The following SAMD3 variants were observed in gnomAD, a reference collection of about 807,000 sequenced individuals.
SAMD3 encodes sterile alpha motif domain-containing protein 3.
A neutral mutation model predicts 58.5 loss-of-function variants in SAMD3; 63 were observed. The observed-to-expected ratio is 1.08, with a 90% CI of 0.88 to 1.33. The LOEUF (loss-of-function observed/expected upper bound fraction) is 1.33. Among genes scored for constraint, SAMD3 ranks in the 40% most tolerant of loss-of-function variants. SAMD3 has a pLI of 0.00. For synonymous variants in SAMD3, 220 were observed against 210.3 expected, an observed-to-expected ratio of 1.05 and a Z score of -0.40; for missense variants, 604 against 608.4, an observed-to-expected ratio of 0.99 and a Z score of 0.08.
intron 2 of SAMD3, among the ~76,000 whole-genome samples, chr6:130,271,812 G>A (rs186580394): frequency 1.5e-4 from 23 of 152,274 alleles, no homozygotes; most frequent in Non-Finnish European, 2.4e-4. Flanking sequence ...AAGAGCTAAC[G>A]AACATCTTAC....
At chr6:130,151,096 C>T (rs896193542) in intron 9 of SAMD3, among the ~76,000 whole-genome samples, 2 of 152,012 alleles carry the variant, frequency 1.3e-5, no homozygotes, top group Non-Finnish European at 2.9e-5. Context: ...TCGGCCCAGC[C>T]CACTTTCCTC....
At chr6:130,237,701 G>A (rs906891903) in intron 2 of SAMD3, among the ~76,000 whole-genome samples, 22 of 152,234 alleles carry the variant, frequency 1.4e-4, no homozygotes, top group African/African-American at 4.1e-4. Flanking sequence ...TCAGGGAGGT[G>A]AATACATTAC....
chr6:130,275,325 T>C (rs1774737518), intron 2 of SAMD3, among the ~76,000 whole-genome samples: 1 of 152,158 alleles, frequency 6.6e-6, no homozygotes, highest in Non-Finnish European at 1.5e-5. Context: ...TTTATTGACA[T>C]AATGATAAGC....
chr6:130,360,780 T>C (rs536901689), intron 1 of SAMD3, among the ~76,000 whole-genome samples: 9 of 152,252 alleles, frequency 5.9e-5, no homozygotes, highest in Admixed American at 2.0e-4. Context: ...TCCCTACAGT[T>C]TCGACCATAG....
chr6:130,208,173 G>C (rs963403203), intron 5 of SAMD3, among the ~76,000 whole-genome samples: 1 of 152,242 alleles, frequency 6.6e-6, no homozygotes, highest in Non-Finnish European at 1.5e-5. Flanking sequence ...GTGTAAAGGG[G>C]TTGTGAAAAC....
chr6:130,145,249 C>G, intron 11 of SAMD3, 91 bp downstream of exon 11: 1 of 598,084 alleles, frequency 1.7e-6, no homozygotes, highest in Middle Eastern at 5.0e-4. Context: ...AAGAGTGAGA[C>G]TCCATCTCAA....
chr6:130,208,478 G>C (rs1182241730), intron 5 of SAMD3, among the ~76,000 whole-genome samples: 1 of 152,122 alleles, frequency 6.6e-6, no homozygotes, highest in African/African-American at 2.4e-5. Flanking sequence ...TGTATTTATA[G>C]CCACACCCCA....
chr6:130,193,794 T>A (rs112296190), intron 5 of SAMD3, among the ~76,000 whole-genome samples: 32,225 of 152,040 alleles, frequency 0.21, 4,210 homozygotes, highest in East Asian at 0.44. Flanking sequence ...TCTAAATAAT[T>A]CTTGTTGTAA....
intron 1 of SAMD3, among the ~76,000 whole-genome samples, chr6:130,324,784 T>TC (rs1776700306): frequency 1.3e-5 from 2 of 151,758 alleles, no homozygotes; most frequent in African/African-American, 4.9e-5. Flanking sequence ...TTTTTTTTTT[T>TC]TGGAATAGAA....
chr6:130,201,968 A>T (rs1324214298), intron 5 of SAMD3, among the ~76,000 whole-genome samples: 2 of 152,166 alleles, frequency 1.3e-5, no homozygotes, highest in Non-Finnish European at 2.9e-5. Context: ...TGTCTTGTCT[A>T]CCAGACTCTG....
intron 1 of SAMD3, among the ~76,000 whole-genome samples, chr6:130,324,399 G>A (rs1776687452): frequency 6.6e-6 from 1 of 152,172 alleles, no homozygotes; most frequent in African/African-American, 2.4e-5. Flanking sequence ...GTTAAGAAAT[G>A]TTTGTGAAGA....
chr6:130,188,259 C>G (rs1170703771), intron 5 of SAMD3, among the ~76,000 whole-genome samples: 1 of 152,182 alleles, frequency 6.6e-6, no homozygotes, highest in African/African-American at 2.4e-5. Flanking sequence ...AGAACGGGCT[C>G]AGGTGAGCAC....
upstream of SAMD3, among the ~76,000 whole-genome samples, chr6:130,227,758 A>C (rs1389631601): frequency 6.6e-6 from 1 of 151,284 alleles, no homozygotes; most frequent in African/African-American, 2.4e-5. Context: ...ACCACACTCC[A>C]GCCTGTGCGA....
intron 9 of SAMD3, among the ~76,000 whole-genome samples, chr6:130,151,723 G>A (rs1037426614): frequency 6.6e-6 from 1 of 152,334 alleles, no homozygotes; most frequent in East Asian, 1.9e-4. Flanking sequence ...TTACAGGCAT[G>A]AGCCACCATG....
At chr6:130,230,037 A>T (rs976520113) in intron 2 of SAMD3, among the ~76,000 whole-genome samples, 14 of 152,254 alleles carry the variant, frequency 9.2e-5, no homozygotes, top group African/African-American at 3.4e-4. Flanking sequence ...GCAAATTGTG[A>T]TGTACAGCAT....
chr6:130,223,068 T>C (rs1354354821), upstream of SAMD3: 1 of 152,252 alleles, frequency 6.6e-6, no homozygotes, highest in East Asian at 1.9e-4. Context: ...CAAATACCCA[T>C]GTATGTACAT....
intron 8 of SAMD3, among the ~76,000 whole-genome samples, chr6:130,163,523 C>A (rs9375708): frequency 5.9e-5 from 9 of 152,096 alleles, no homozygotes; most frequent in East Asian, 1.9e-4. Context: ...CAACCTTGCC[C>A]CATGTTTCCA....
chr6:130,290,199 G>A (rs966991068), intron 2 of SAMD3, among the ~76,000 whole-genome samples: 5 of 151,992 alleles, frequency 3.3e-5, no homozygotes, highest in Non-Finnish European at 7.4e-5. Context: ...TTTATTTTAC[G>A]GAATTGGTTC....
At chr6:130,187,061 T>A (rs1005703754) in intron 5 of SAMD3, among the ~76,000 whole-genome samples, 1 of 152,164 alleles carries the variant, frequency 6.6e-6, no homozygotes, top group Non-Finnish European at 1.5e-5. Context: ...TGAGCCACCG[T>A]GCCTGGGCCT....
Sources: allele counts gnomAD v4.1 joint callset (sites outside exome capture counted in the v4.1 genomes callset), GRCh38; gene constraint gnomAD v4.1.1; transcripts MANE v1.5; gene names NCBI Gene and HGNC (gene_info 2026-07-23, HGNC 2026-07-21).